Variants in CFAP70 observed in about 807,000 individuals in gnomAD.
CFAP70 encodes cilia- and flagella-associated protein 70.
Under a neutral mutation model 137.6 loss-of-function variants are expected in CFAP70, and 81 were observed. The ratio of observed to expected loss-of-function variants is 0.59; its 90% CI spans 0.49 to 0.71. CFAP70 has a LOEUF of 0.71. Ranked by LOEUF, CFAP70 falls within the 30% of genes least tolerant of loss-of-function variation. The pLI is 0.00. For synonymous variants in CFAP70, 382 were observed against 423.6 expected, an observed-to-expected ratio of 0.90 and a Z score of 1.20; for missense variants, 976 against 1,226.7, an observed-to-expected ratio of 0.80 and a Z score of 3.05.
intron 9 of CFAP70, among the ~76,000 whole-genome samples, chr10:73,320,544 G>T (rs1360340625): frequency 6.6e-6 from 1 of 151,988 alleles, no homozygotes; most frequent in African/African-American, 2.4e-5. Context: ...GCCCTGGGTG[G>T]TCTTGAACTC....
intron 3 of CFAP70, among the ~76,000 whole-genome samples, chr10:73,349,779 T>G (rs1271162459): frequency 1.3e-5 from 2 of 152,246 alleles, no homozygotes; most frequent in Non-Finnish European, 2.9e-5. Flanking sequence ...AATCTAAATT[T>G]AACAATTTTT....
At chr10:73,345,379 T>C (rs1282330765) in intron 4 of CFAP70, 135 bp from the exon 6 acceptor site, 3 of 808,456 alleles carry the variant, frequency 3.7e-6, no homozygotes, top group Non-Finnish European at 5.7e-6. Flanking sequence ...GTTGAAACCA[T>C]GTTCTCTAAG....
chr10:73,275,413 C>T lies in CFAP70; in HGVS notation c.2673+33G>A, dbSNP rs759571095. ...ACCACCTTTAAATAAAGCCCCTTCT[C>T]CAGACTCAAGAGGCTTTAGCAAAAG... On this transcript the variant is annotated intron_variant, in intron 22 of 26. Transcript: ENST00000310715. This position sits in a 1 kb window ranked among gnomAD's most constrained non-coding sequence, Gnocchi z 4.0. 4 of 1,550,052 alleles carry T rather than the reference C, an allele frequency of 2.6e-6. No homozygotes were observed. Among genetic ancestry groups the T allele is most frequent in the African/African-American group, 1.4e-5 (1 of 72,398 alleles).
At chr10:73,338,214 G>A (rs1001965148) in intron 6 of CFAP70, among the ~76,000 whole-genome samples, 2 of 142,934 alleles carry the variant, frequency 1.4e-5, no homozygotes, top group South Asian at 2.2e-4. Context: ...GTACAGTCTC[G>A]GCTCACTGCA....
exon 23 of CFAP70, chr10:73,274,503 A>G: frequency 6.2e-7 from 1 of 1,614,152 alleles, no homozygotes; most frequent in Non-Finnish European, 8.5e-7. Context: ...ATCCACTACA[A>G]AGCTAATGGT....
intron 23 of CFAP70, 94 bp from the exon 25 acceptor site, chr10:73,273,111 G>A: frequency 1.0e-6 from 1 of 972,046 alleles, no homozygotes. Flanking sequence ...TTGCTCTCCA[G>A]AACAATCTAA....
chr10:73,254,988 C>T (rs2044325951), intron 26 of CFAP70, among the ~76,000 whole-genome samples: 1 of 152,186 alleles, frequency 6.6e-6, no homozygotes, highest in Non-Finnish European at 1.5e-5. Context: ...ACAGGCCAGG[C>T]ATGTTGGCCC....
intron 3 of CFAP70, among the ~76,000 whole-genome samples, chr10:73,350,718 T>C (rs1224183136): frequency 6.6e-6 from 1 of 152,068 alleles, no homozygotes; most frequent in Non-Finnish European, 1.5e-5. Flanking sequence ...CTTACATGAT[T>C]TAATTTTTTA....
rs1398757242 is a variant in CFAP70, at chr10:73,262,470, C to T, written c.3028-6054G>A. Among the ~76,000 whole-genome samples the T allele has an allele frequency of 4.0e-5, 6 of 151,886 alleles. No individual in the cohort carries two copies. In the East Asian group the frequency reaches 1.2e-3, roughly 29 times the overall value. On this transcript the variant is annotated intron_variant, in intron 25 of 26. Transcript: ENST00000310715. ...TAGTGATGCTGGCAATTTGGATATG[C>T]AAAAGAGAAGCCATAAAGTGCTTCC...
chr10:73,281,183 G>C (rs555633236), intron 19 of CFAP70, among the ~76,000 whole-genome samples: 6 of 151,584 alleles, frequency 4.0e-5, no homozygotes, highest in Non-Finnish European at 5.9e-5. Context: ...TATTTATTTA[G>C]ATCTGTATGT....
chr10:73,324,537 C>T (rs536225496), intron 8 of CFAP70, among the ~76,000 whole-genome samples: 106 of 152,168 alleles, frequency 7.0e-4, no homozygotes, highest in African/African-American at 2.2e-3. Context: ...CAAACTACTC[C>T]GAGCTACAGG....
At chr10:73,255,859 TG>T (rs372881339) in intron 26 of CFAP70, among the ~76,000 whole-genome samples, 371 of 152,242 alleles carry the variant, frequency 2.4e-3, no homozygotes, top group African/African-American at 8.5e-3. Flanking sequence ...CCTGTTTTTT[TG>T]TAAGTAAAAT....
intron 25 of CFAP70, among the ~76,000 whole-genome samples, chr10:73,262,788 A>G (rs1280507690): frequency 1.3e-5 from 2 of 152,122 alleles, no homozygotes; most frequent in African/African-American, 4.8e-5. Flanking sequence ...GGATTACTGT[A>G]TGTGTGTGTG....
At chr10:73,321,371 T>C (rs535620878) in intron 9 of CFAP70, among the ~76,000 whole-genome samples, 8 of 152,246 alleles carry the variant, frequency 5.3e-5, no homozygotes, top group African/African-American at 1.9e-4. Context: ...TAAGCCGAGA[T>C]CACGCCATTG....
At chr10:73,362,933 GCAT>G (rs1413247660), upstream of CFAP70, among the ~76,000 whole-genome samples, 1 of 143,768 alleles carries the variant, frequency 7.0e-6, no homozygotes, top group Non-Finnish European at 1.5e-5. Context: ...TACAAACTAT[GCAT>G]CTGACAAGGG....
At chr10:73,312,501 A>G in exon 10 of CFAP70, 8 of 1,611,534 alleles carry the variant, frequency 5.0e-6, no homozygotes, top group Non-Finnish European at 6.8e-6. Flanking sequence ...CCTTCCATCT[A>G]TATCCTTTTC....
chr10:73,316,463 GATAT>G (rs56896753), intron 9 of CFAP70, among the ~76,000 whole-genome samples: 10 of 128,142 alleles, frequency 7.8e-5, no homozygotes, highest in Admixed American at 8.4e-5. Flanking sequence ...CCTTTGTTGA[GATAT>G]ATATATATAT....
At chr10:73,293,331 G>A in exon 16 of CFAP70, 1 of 1,612,132 alleles carries the variant, frequency 6.2e-7, no homozygotes, top group African/African-American at 1.3e-5. Flanking sequence ...AAGAGTTGAA[G>A]CTGTTCACTG....
At chr10:73,270,849 T>C (rs1268011671) in intron 24 of CFAP70, among the ~76,000 whole-genome samples, 2 of 151,918 alleles carry the variant, frequency 1.3e-5, no homozygotes, top group Non-Finnish European at 2.9e-5. Context: ...CTTTTTCTGC[T>C]TTAAAATAAT....
Sources: allele counts gnomAD v4.1 joint callset (sites outside exome capture counted in the v4.1 genomes callset), GRCh38; gene constraint gnomAD v4.1.1; non-coding constraint Gnocchi (gnomAD v3.1); transcripts MANE v1.5; gene names NCBI Gene and HGNC (gene_info 2026-07-23, HGNC 2026-07-21).